ALK: variants seen among roughly 807,000 people sequenced by gnomAD.
ALK encodes ALK tyrosine kinase receptor.
Under a neutral mutation model 163.1 loss-of-function variants are expected in ALK, and 74 were observed. That is an observed-to-expected ratio of 0.45 (90% CI 0.38 to 0.55). The LOEUF is 0.55. Among genes scored for constraint, ALK ranks in the 20% least tolerant of loss-of-function variants. ALK has a pLI of 0.00. For synonymous variants in ALK, 960 were observed against 843.2 expected (o/e 1.14, Z -2.40); for missense variants, 2,063 against 2,105.3 (o/e 0.98, Z 0.39).
intron 1 of ALK, among the ~76,000 whole-genome samples, chr2:29,804,576 C>T (rs537018731): frequency 2.0e-5 from 3 of 152,324 alleles, no homozygotes; most frequent in East Asian, 1.9e-4. Flanking sequence ...ACTTACCTGG[C>T]GGCCGTGGAG....
At chr2:29,783,800 T>A (rs1049806643) in intron 1 of ALK, among the ~76,000 whole-genome samples, 2 of 152,076 alleles carry the variant, frequency 1.3e-5, no homozygotes, top group African/African-American at 4.8e-5. Context: ...TCCCTGGGGA[T>A]AGAGGACCCT....
At chr2:29,742,897 T>A (rs1043205139) in intron 1 of ALK, among the ~76,000 whole-genome samples, 4 of 152,224 alleles carry the variant, frequency 2.6e-5, no homozygotes, top group Admixed American at 2.6e-4. Context: ...GGGCCCTTCA[T>A]GTGCCAGCCA....
intron 5 of ALK, among the ~76,000 whole-genome samples, chr2:29,371,581 A>G (rs1327475869): frequency 6.6e-6 from 1 of 152,238 alleles, no homozygotes; most frequent in Non-Finnish European, 1.5e-5. Flanking sequence ...CAACAGATCA[A>G]TTCTGTCCTT....
intron 5 of ALK, among the ~76,000 whole-genome samples, chr2:29,339,101 G>C (rs1558681878): frequency 2.0e-5 from 3 of 152,182 alleles, no homozygotes; most frequent in African/African-American, 7.2e-5. Flanking sequence ...TAATTAGCCA[G>C]ATGTGGTGGC....
intron 9 of ALK, among the ~76,000 whole-genome samples, chr2:29,281,284 C>T (rs966983276): frequency 6.6e-6 from 1 of 152,176 alleles, no homozygotes; most frequent in Admixed American, 6.5e-5. Flanking sequence ...GAAACCTCAG[C>T]TCTGGATGGG....
At chr2:29,728,091 C>A (rs941361967) in intron 1 of ALK, among the ~76,000 whole-genome samples, 1 of 152,024 alleles carries the variant, frequency 6.6e-6, no homozygotes, top group Non-Finnish European at 1.5e-5. Flanking sequence ...GTTCTTTAAA[C>A]CTTTAAGCTG....
intron 3 of ALK, among the ~76,000 whole-genome samples, chr2:29,581,482 C>T (rs897659789): frequency 6.6e-6 from 1 of 152,200 alleles, no homozygotes. Flanking sequence ...GGAACCCGCC[C>T]CTAGCCCCAG....
chr2:29,750,894 A>G (rs1279059051), intron 1 of ALK, among the ~76,000 whole-genome samples: 1 of 151,502 alleles, frequency 6.6e-6, no homozygotes, highest in African/African-American at 2.4e-5. Flanking sequence ...GCATGGTGAA[A>G]CCCCATCTCT....
chr2:29,394,834 T>C (rs1225925096), intron 4 of ALK, among the ~76,000 whole-genome samples: 5 of 152,154 alleles, frequency 3.3e-5, no homozygotes, highest in Non-Finnish European at 7.4e-5. Context: ...TCTTTTCAAA[T>C]ACAATCTTTT....
At chr2:29,711,746 A>T (rs1679108458) in intron 2 of ALK, among the ~76,000 whole-genome samples, 1 of 152,130 alleles carries the variant, frequency 6.6e-6, no homozygotes, top group South Asian at 2.1e-4. Context: ...ATGAAAAGGC[A>T]GTCAGAGAGC....
intron 4 of ALK, among the ~76,000 whole-genome samples, chr2:29,474,063 TAAGTA>T (rs1465007791): frequency 6.6e-6 from 1 of 152,160 alleles, no homozygotes; most frequent in African/African-American, 2.4e-5. Flanking sequence ...TTTACCCTCC[TAAGTA>T]AACATCCAAA....
At chr2:29,248,850 A>T (rs1174453589) in intron 12 of ALK, among the ~76,000 whole-genome samples, 1 of 152,252 alleles carries the variant, frequency 6.6e-6, no homozygotes, top group African/African-American at 2.4e-5. Context: ...TTCAGAATAC[A>T]GGGCTCATCT....
rs370175650 is a variant in ALK at position 29,342,914 on chromosome 2, G to A, written c.1283-14433C>T. 3.7e-3 allele frequency among the ~76,000 whole-genome samples: 452 copies of A among 121,950 alleles called. 1 individual carries two copies. Among genetic ancestry groups the A allele is most frequent in the South Asian group, 7.1e-3 (27 of 3,814 alleles). The allele number at this position is 121,950 out of a possible 152,430, so 80.0% of individuals were successfully genotyped here. ...TTTTTTTTTTTTGATATGGAGTCTC[G>A]CTCTGTTGCCCAGGCTGGAGTGCAG... On this transcript the variant is annotated intron_variant, in intron 5 of 28. Transcript: ENST00000389048.
intron 12 of ALK, among the ~76,000 whole-genome samples, chr2:29,250,309 C>T (rs111549838): frequency 5.1e-4 from 77 of 152,334 alleles, no homozygotes; most frequent in African/African-American, 1.7e-3. Context: ...ATTTGTAAAA[C>T]GAGGATGGCA....
At chr2:29,900,889 G>A (rs994943480) in intron 1 of ALK, among the ~76,000 whole-genome samples, 5 of 152,124 alleles carry the variant, frequency 3.3e-5, no homozygotes, top group South Asian at 4.1e-4. Flanking sequence ...AGTGACAGAC[G>A]AGGAGTAGAT....
chr2:29,902,093 A>G (rs73922363), intron 1 of ALK, among the ~76,000 whole-genome samples: 3,108 of 152,242 alleles, frequency 0.02, 113 homozygotes, highest in East Asian at 0.072. Context: ...ATGACTCCCA[A>G]ATCCCCATGC....
intron 1 of ALK, 123 bp downstream of exon 1, chr2:29,919,870 G>A (rs1667940146): frequency 8.2e-7 from 1 of 1,220,166 alleles, no homozygotes. Context: ...GCGGGAGGAA[G>A]GAGGGCGATG....
At chr2:29,613,079 T>C (rs1348038262) in intron 3 of ALK, among the ~76,000 whole-genome samples, 1 of 152,190 alleles carries the variant, frequency 6.6e-6, no homozygotes, top group Admixed American at 6.5e-5. Context: ...TGAGAACAAA[T>C]TCATGAATTC....
intron 3 of ALK, among the ~76,000 whole-genome samples, chr2:29,683,206 G>A (rs535849436): frequency 7.2e-5 from 11 of 151,916 alleles, no homozygotes; most frequent in South Asian, 2.1e-4. Context: ...ATGAAACCCC[G>A]TCTCTAATAA....
Sources: gnomAD v4.1 joint callset for allele counts (sites outside exome capture counted in the v4.1 genomes callset) on GRCh38, gnomAD v4.1.1 for gene constraint, MANE v1.5 for transcripts, NCBI Gene and HGNC (gene_info 2026-07-23, HGNC 2026-07-21) for gene names.